Variants in ARL15 observed in about 807,000 individuals in gnomAD.
ARL15 encodes the protein ARF like GTPase 15.
A neutral mutation model predicts 25.2 loss-of-function variants in ARL15; 19 were observed. The ratio of observed to expected loss-of-function variants is 0.75; its 90% CI spans 0.53 to 1.10. The LOEUF (loss-of-function observed/expected upper bound fraction) is 1.10, where lower values mean the gene tolerates loss of function less well. Among genes scored for constraint, ARL15 ranks in the 50% least tolerant of loss-of-function variants. The pLI, the probability that ARL15 is intolerant of heterozygous loss-of-function variation, is 0.00. For missense variants in ARL15, 220 were observed against 246.0 expected, an observed-to-expected ratio of 0.89 and a Z score of 0.71; for synonymous variants, 94 against 86.8, an observed-to-expected ratio of 1.08 and a Z score of -0.46.
intron 1 of ARL15, among the ~76,000 whole-genome samples, chr5:54,215,890 A>G (rs946837500): frequency 1.3e-5 from 2 of 152,206 alleles, no homozygotes; most frequent in South Asian, 4.1e-4. Flanking sequence ...GAGCTGGCAC[A>G]AATTTTCAAT....
intron 1 of ARL15, among the ~76,000 whole-genome samples, chr5:54,291,198 T>C (rs1009361645): frequency 1.2e-4 from 18 of 152,202 alleles, no homozygotes; most frequent in Non-Finnish European, 2.2e-4. Flanking sequence ...TTCAATAAGT[T>C]ACTTTAGAAA....
intron 1 of ARL15, among the ~76,000 whole-genome samples, chr5:54,176,181 T>C (rs866895047): frequency 3.3e-5 from 5 of 152,196 alleles, no homozygotes; most frequent in Non-Finnish European, 7.3e-5. Flanking sequence ...ATAAGGTTCT[T>C]TGGAACTTAA....
At chr5:54,072,400 T>C (rs900596261) in intron 4 of ARL15, among the ~76,000 whole-genome samples, 1 of 152,130 alleles carries the variant, frequency 6.6e-6, no homozygotes, top group Non-Finnish European at 1.5e-5. Context: ...TGGTTGGCAA[T>C]ACCCCTGTCT....
intron 4 of ARL15, among the ~76,000 whole-genome samples, chr5:53,919,674 A>T (rs1745782254): frequency 9.3e-6 from 1 of 107,520 alleles, no homozygotes; most frequent in Non-Finnish European, 2.0e-5. Flanking sequence ...TTTCTACTGA[A>T]TGGCAACAGG....
At chr5:53,919,078 A>G (rs927750413) in intron 4 of ARL15, among the ~76,000 whole-genome samples, 2 of 152,212 alleles carry the variant, frequency 1.3e-5, no homozygotes, top group Admixed American at 6.5e-5. Context: ...TACAGGACAT[A>G]ATACACCCCT....
rs551598487 is a variant in ARL15, at chr5:54,272,603, A to G, written c.48+37829T>C. On this transcript the variant is annotated intron_variant, in intron 1 of 4. Transcript: ENST00000504924. ...ACCCCAAATGTTTCTTATCAAGAAAAAAAGCCTCTCCACCTAAACACATAG... is the reference window on the plus strand; with the variant it reads ...ACCCCAAATGTTTCTTATCAAGAAAGAAAGCCTCTCCACCTAAACACATAG... Among the ~76,000 whole-genome samples, 12 of 152,302 alleles carry G rather than the reference A, an allele frequency of 7.9e-5. No individual in the cohort carries two copies. The South Asian group carries it at 1.9e-3, about 24-fold the overall frequency.
At chr5:54,177,064 T>TG (rs1429520744) in intron 1 of ARL15, among the ~76,000 whole-genome samples, 2 of 152,292 alleles carry the variant, frequency 1.3e-5, no homozygotes, top group South Asian at 2.1e-4. Context: ...TATACCCTCT[T>TG]GGGGGGCCAA....
At chr5:53,973,192 C>G (rs1227335531) in intron 4 of ARL15, among the ~76,000 whole-genome samples, 3 of 151,806 alleles carry the variant, frequency 2.0e-5, no homozygotes, top group African/African-American at 7.2e-5. Flanking sequence ...TGGAAATTTA[C>G]AGCAGATATA....
At chr5:54,284,000 C>T (rs1458374906) in intron 1 of ARL15, among the ~76,000 whole-genome samples, 1 of 152,098 alleles carries the variant, frequency 6.6e-6, no homozygotes, top group Non-Finnish European at 1.5e-5. Flanking sequence ...GAACAGTGGA[C>T]ACATGAAGTA....
chr5:54,267,110 G>C (rs1360762042), intron 1 of ARL15, among the ~76,000 whole-genome samples: 2 of 152,130 alleles, frequency 1.3e-5, no homozygotes, highest in Non-Finnish European at 2.9e-5. Flanking sequence ...TGTTCGTTTT[G>C]AATTGGGGTC....
intron 1 of ARL15, among the ~76,000 whole-genome samples, chr5:54,292,278 C>T (rs556152267): frequency 1.3e-5 from 2 of 152,238 alleles, no homozygotes; most frequent in South Asian, 4.2e-4. Context: ...GCACACTGGC[C>T]CTTCTTTATG....
intron 1 of ARL15, among the ~76,000 whole-genome samples, chr5:54,276,652 T>C (rs1397012385): frequency 6.6e-6 from 1 of 152,094 alleles, no homozygotes; most frequent in African/African-American, 2.4e-5. Context: ...TTATCTTACA[T>C]GGCAAAAGGA....
intron 1 of ARL15, among the ~76,000 whole-genome samples, chr5:54,263,458 G>A (rs1056646832): frequency 6.6e-6 from 1 of 152,104 alleles, no homozygotes. Flanking sequence ...AAAGATAAGG[G>A]TGAAGGGGAA....
intron 1 of ARL15, among the ~76,000 whole-genome samples, chr5:54,276,130 C>T (rs1274239108): frequency 6.6e-6 from 1 of 152,086 alleles, no homozygotes; most frequent in African/African-American, 2.4e-5. Flanking sequence ...ACAGCCAAGC[C>T]AACACCTTAA....
intron 1 of ARL15, among the ~76,000 whole-genome samples, chr5:54,229,433 A>T (rs1454444097): frequency 6.6e-6 from 1 of 152,166 alleles, no homozygotes; most frequent in Non-Finnish European, 1.5e-5. Flanking sequence ...CAGACACGAG[A>T]GATATGAAAG....
intron 1 of ARL15, among the ~76,000 whole-genome samples, chr5:54,301,169 T>C (rs1017357664): frequency 4.6e-5 from 7 of 152,188 alleles, no homozygotes; most frequent in East Asian, 3.8e-4. Flanking sequence ...AGATAGACTA[T>C]GCTACTCCAA....
intron 1 of ARL15, among the ~76,000 whole-genome samples, chr5:54,273,270 G>A (rs190596393): frequency 6.6e-6 from 1 of 152,146 alleles, no homozygotes; most frequent in Non-Finnish European, 1.5e-5. Context: ...CTGAAATTTA[G>A]GTTAATTATG....
At chr5:54,248,188 G>A (rs1757143076) in intron 1 of ARL15, among the ~76,000 whole-genome samples, 1 of 152,124 alleles carries the variant, frequency 6.6e-6, no homozygotes, top group African/African-American at 2.4e-5. Flanking sequence ...GATGGTTTCT[G>A]AAGATGGAGC....
intron 3 of ARL15, among the ~76,000 whole-genome samples, chr5:54,131,179 T>G (rs1263134240): frequency 4.6e-5 from 7 of 152,214 alleles, no homozygotes. Flanking sequence ...TTTCAATGTT[T>G]GATAATGTGA....
Sources: gnomAD v4.1 joint callset for allele counts (sites outside exome capture counted in the v4.1 genomes callset) on GRCh38, gnomAD v4.1.1 for gene constraint, MANE v1.5 for transcripts, NCBI Gene and HGNC (gene_info 2026-07-23, HGNC 2026-07-21) for gene names.